ITGB4: variants seen among roughly 807,000 people sequenced by gnomAD.
The protein encoded by ITGB4 is integrin beta-4.
In ITGB4, 159 loss-of-function variants were observed where a neutral mutation model predicts 207.6. The observed-to-expected ratio is 0.77, with a 90% CI of 0.67 to 0.87. The LOEUF (loss-of-function observed/expected upper bound fraction) is 0.87. ITGB4 is among the 40% of genes least tolerant of loss of function. ITGB4 has a pLI of 0.00. For synonymous variants in ITGB4, 1,020 were observed against 1,062.7 expected, an observed-to-expected ratio of 0.96 and a Z score of 0.78; for missense variants, 2,278 against 2,546.8, an observed-to-expected ratio of 0.89 and a Z score of 2.27.
chr17:75,742,333 C>G lies in ITGB4; in HGVS notation c.2634-8C>G. On this transcript the variant is annotated splice_polypyrimidine_tract_variant and splice_region_variant and intron_variant, in intron 23 of 39. Transcript: ENST00000200181. This position sits in a 1 kb window ranked among gnomAD's most constrained non-coding sequence, Gnocchi z 5.9. Reference sequence around the variant, plus strand: ...CTCCGCTGCCTGAACCTTCCACCCTCGACCCAGGCAAGACCACACCATTGT... The same window carrying G: ...CTCCGCTGCCTGAACCTTCCACCCTGGACCCAGGCAAGACCACACCATTGT... 1 of 1,613,274 alleles carries G rather than the reference C, an allele frequency of 6.2e-7. No individual in the cohort carries two copies. The highest frequency in any genetic ancestry group is 8.5e-7 in the Non-Finnish European group (1 of 1,180,032).
intron 2 of ITGB4, among the ~76,000 whole-genome samples, chr17:75,726,550 G>A (rs1252180142): frequency 6.6e-6 from 1 of 151,970 alleles, no homozygotes; most frequent in African/African-American, 2.4e-5. Context: ...TAGCCAACAT[G>A]GTGGAACCCC....
chr17:75,755,508 G>A (rs1312217431), intron 34 of ITGB4, among the ~76,000 whole-genome samples, 193 bp from the exon 35 acceptor site: 1 of 152,176 alleles, frequency 6.6e-6, no homozygotes, highest in Non-Finnish European at 1.5e-5. Flanking sequence ...CACAAGCAGG[G>A]CCTGCACCCT....
At chr17:75,733,931 T>G (rs1300801228) in intron 13 of ITGB4, among the ~76,000 whole-genome samples, 1 of 152,026 alleles carries the variant, frequency 6.6e-6, no homozygotes, top group East Asian at 1.9e-4. Context: ...TTTCCCCTGG[T>G]TTTAAGATTC....
chr17:75,727,176 C>T lies in ITGB4; in HGVS notation c.80-19C>T. 1 of 1,612,128 alleles carries T rather than the reference C, an allele frequency of 6.2e-7. No individual in the cohort carries two copies. Among genetic ancestry groups the T allele is most frequent in the Non-Finnish European group, 8.5e-7 (1 of 1,178,802 alleles). Reference sequence around the variant, plus strand: ...TGCTGAGCGCCTCCCCATTCATGTGCCCACATCTGTCCCCCCAGCAAACCG... The same window carrying T: ...TGCTGAGCGCCTCCCCATTCATGTGTCCACATCTGTCCCCCCAGCAAACCG... On this transcript the variant is annotated intron_variant, in intron 2 of 39. Transcript: ENST00000200181. The surrounding 1 kb of genome is among the most constrained non-coding windows in gnomAD (Gnocchi z 6.0).
rs1353662687 is a variant in ITGB4, at chr17:75,757,111, G to A, written c.5218+4G>A. 1 of 1,612,946 alleles carries A rather than the reference G, an allele frequency of 6.2e-7. No homozygotes were observed. Among genetic ancestry groups the A allele is most frequent in the Non-Finnish European group, 8.5e-7 (1 of 1,179,942 alleles). ...ACCATAGAGTCCCAGGATGGAGGTAGGCACCTGTCCTTTCCTTCACCCCCA... is the reference window on the plus strand; with the variant it reads ...ACCATAGAGTCCCAGGATGGAGGTAAGCACCTGTCCTTTCCTTCACCCCCA... On this transcript the variant is annotated splice_donor_region_variant and intron_variant, in intron 38 of 39. Transcript: ENST00000200181.
Position 75,729,112 on chromosome 17 carries a change from C to T in ITGB4, c.567-153C>T, listed in dbSNP as rs371512413. ...GGCAGAGGTTGCAGTGAGCCAAGAT[C>T]GTGCATACCGCACACCAGCCTGGGT... On this transcript the variant is annotated intron_variant, in intron 6 of 39. Coordinates refer to ENST00000200181, the MANE Select transcript of ITGB4 (RefSeq NM_000213.5). This position sits in a 1 kb window ranked among gnomAD's most constrained non-coding sequence, Gnocchi z 4.4. Among the ~76,000 whole-genome samples the T allele has an allele frequency of 3.3e-5, 5 of 149,356 alleles. No homozygotes were observed. Among genetic ancestry groups the T allele is most frequent in the East Asian group, 2.0e-4 (1 of 5,102 alleles).
At position 75,750,590 on chromosome 17, in the gene ITGB4, G is replaced by A. The variant is rs766600125; in HGVS notation, c.3475-90G>A. ...CTCCCTCGGGCCTCATCTGTGCAAA[G>A]AGGACAGTAAGGGCAGAGGTCAGAG... is the stretch of plus-strand genomic sequence containing the variant. On this transcript the variant is annotated intron_variant, in intron 28 of 39. Transcript: ENST00000200181. The surrounding 1 kb of genome is among the most constrained non-coding windows in gnomAD (Gnocchi z 5.5). The A allele has an allele frequency of 6.7e-6, 8 of 1,197,622 alleles. No individual in the cohort carries two copies. Among genetic ancestry groups the A allele is most frequent in the Non-Finnish European group, 9.7e-6 (8 of 822,992 alleles). 74.2% of individuals were successfully genotyped at this position (1,197,622 alleles called of 1,614,324 possible).
Position 75,750,836 on chromosome 17 carries a change from G to A in ITGB4, c.3631G>A (p.Val1211Met), listed in dbSNP as rs558537635. The A allele has an allele frequency of 1.9e-6, 3 of 1,613,322 alleles. No individual in the cohort carries two copies. Among genetic ancestry groups the A allele is most frequent in the South Asian group, 2.2e-5 (2 of 91,076 alleles). The change falls in exon 29 of 40, where the codon GTG (valine) becomes ATG (methionine). Residue 1211 changes from valine (V) to methionine (M), a missense_variant. Transcript: ENST00000200181. This position sits in a 1 kb window ranked among gnomAD's most constrained non-coding sequence, Gnocchi z 5.5. ...AQGEGPYSSL[V>M]SCRTHQEVPS... is the part of the protein sequence containing the mutation. ...GGGCGAGGGACCCTACAGCTCCCTG[G>A]TGTCCTGCCGCACCCACCAGGAAGG... is the stretch of plus-strand genomic sequence containing the variant.
chr17:75,730,163 T>A, intron 7 of ITGB4, 78 bp from the exon 8 acceptor site: 1 of 1,590,512 alleles, frequency 6.3e-7, no homozygotes, highest in Non-Finnish European at 8.5e-7. Context: ...GGACCCGCGT[T>A]CCCCGTCCTA....
intron 27 of ITGB4, among the ~76,000 whole-genome samples, chr17:75,749,874 C>T (rs929134815): frequency 6.6e-6 from 1 of 152,178 alleles, no homozygotes; most frequent in Non-Finnish European, 1.5e-5. Context: ...GAGAAAGGGG[C>T]AGACCAACTC....
At chr17:75,746,574 G>C (rs1180074633) in intron 26 of ITGB4, among the ~76,000 whole-genome samples, 1 of 149,724 alleles carries the variant, frequency 6.7e-6, no homozygotes, top group African/African-American at 2.4e-5. Flanking sequence ...ATGTTGCCCA[G>C]GCTGGTCTCA....
At chr17:75,755,596 GTGTAGACA>G (rs1233862303) in intron 34 of ITGB4, 97 bp from the exon 35 acceptor site, 2 of 1,442,090 alleles carry the variant, frequency 1.4e-6, no homozygotes, top group African/African-American at 2.8e-5. Context: ...CCAGCGGTCA[GTGTAGACA>G]TGCCAGCTGA....
chr17:75,738,691 C>A (rs373110695), intron 18 of ITGB4, among the ~76,000 whole-genome samples: 1 of 152,232 alleles, frequency 6.6e-6, no homozygotes, highest in Non-Finnish European at 1.5e-5. Flanking sequence ...CTGGGGAGAA[C>A]AGACAAGAGA....
At chr17:75,756,300 T>G in intron 35 of ITGB4, 129 bp from the exon 36 acceptor site, 1 of 976,894 alleles carries the variant, frequency 1.0e-6, no homozygotes, top group Non-Finnish European at 1.6e-6. Flanking sequence ...GTACCCAACC[T>G]GTACCCAAAC....
In ITGB4 at chr17:75,732,030, C is replaced by T. The variant is rs2584103; in HGVS notation, c.1377+57C>T. Reference sequence around the variant, plus strand: ...GAGCTGAGCCAAGCACCCAGGGACCCTGAGGAATGAAGCAGGACTCCTGTG... The same window carrying T: ...GAGCTGAGCCAAGCACCCAGGGACCTTGAGGAATGAAGCAGGACTCCTGTG... On this transcript the variant is annotated intron_variant, in intron 11 of 39. Coordinates refer to ENST00000200181, the MANE Select transcript of ITGB4 (RefSeq NM_000213.5). This position sits in a 1 kb window ranked among gnomAD's most constrained non-coding sequence, Gnocchi z 5.3. 6.2e-7 allele frequency: 1 copy of T among 1,612,698 alleles called. No individual in the cohort carries two copies. Among genetic ancestry groups the T allele is most frequent in the Non-Finnish European group, 8.5e-7 (1 of 1,179,102 alleles).
rs1370922334 is a variant in ITGB4 at position 75,740,404 on chromosome 17, C to T, written c.2493C>T (p.Asn831=). 4 of 1,613,942 alleles carry T rather than the reference C, an allele frequency of 2.5e-6. No homozygotes were observed. The East Asian group carries it at 6.7e-5, about 27-fold the overall frequency. The part of the protein sequence containing the change: ...SLRLARLCTE[N]LLKPDTRECA... ...GCCTGGCCCGCCTTTGCACCGAGAACCTGCTGAAGCCTGACACTCGGGAGT... is the reference window on the plus strand; with the variant it reads ...GCCTGGCCCGCCTTTGCACCGAGAATCTGCTGAAGCCTGACACTCGGGAGT... Residue 831 remains asparagine, a synonymous_variant, in exon 21 of 40, where the codon AAC becomes AAT. Coordinates refer to ENST00000200181, the MANE Select transcript of ITGB4 (RefSeq NM_000213.5). This position sits in a 1 kb window ranked among gnomAD's most constrained non-coding sequence, Gnocchi z 5.9.
intron 7 of ITGB4, 100 bp from the exon 8 acceptor site, chr17:75,730,141 A>T: frequency 6.6e-7 from 1 of 1,519,264 alleles, no homozygotes; most frequent in South Asian, 1.1e-5. Context: ...GCTTAAGCCC[A>T]GCCCCATGTT....
intron 34 of ITGB4, 150 bp downstream of exon 34, chr17:75,754,965 TGCAC>T: frequency 6.5e-7 from 1 of 1,542,322 alleles, no homozygotes; most frequent in Non-Finnish European, 8.9e-7. Context: ...TGCACACGCA[TGCAC>T]ACATGTACAC....
intron 13 of ITGB4, among the ~76,000 whole-genome samples, chr17:75,735,239 C>T (rs2060947659): frequency 6.6e-6 from 1 of 151,926 alleles, no homozygotes; most frequent in Admixed American, 6.6e-5. Context: ...AGGGGCCCAC[C>T]ACCAAGCCCA....
Sources: gnomAD v4.1 joint callset for allele counts (sites outside exome capture counted in the v4.1 genomes callset) on GRCh38, gnomAD v4.1.1 for gene constraint, Gnocchi (gnomAD v3.1) non-coding constraint, MANE v1.5 for transcripts, NCBI Gene and HGNC (gene_info 2026-07-23, HGNC 2026-07-21) for gene names.